Variants in FBXL2 observed in about 807,000 individuals in gnomAD.
The protein encoded by FBXL2 is F-box/LRR-repeat protein 2.
A neutral mutation model predicts 69.2 loss-of-function variants in FBXL2; 38 were observed. That is an observed-to-expected ratio of 0.55 (90% CI 0.42 to 0.72). FBXL2 has a LOEUF of 0.72. Among genes scored for constraint, FBXL2 ranks in the 30% least tolerant of loss-of-function variants. The pLI is 0.00. For synonymous variants in FBXL2, 192 were observed against 201.3 expected, an observed-to-expected ratio of 0.95 and a Z score of 0.39; for missense variants, 354 against 520.3, an observed-to-expected ratio of 0.68 and a Z score of 3.11.
At chr3:33,282,775 T>G (rs1207900683) in intron 1 of FBXL2, among the ~76,000 whole-genome samples, 1 of 152,194 alleles carries the variant, frequency 6.6e-6, no homozygotes, top group African/African-American at 2.4e-5. Flanking sequence ...CCCTTGTAAG[T>G]TGGATTCCTA....
Position 33,373,717 on chromosome 3 carries a change from T to C in FBXL2, c.582+13T>C. 1 of 1,614,174 alleles carries C rather than the reference T, an allele frequency of 6.2e-7. No individual in the cohort carries two copies. The highest frequency in any genetic ancestry group is 8.5e-7 in the Non-Finnish European group (1 of 1,180,024). ...GGGCTGCACACAGGTACCAGAGGGTTGATACAGCTGTTTGTGTTATGTGTC... is the reference window on the plus strand; with the variant it reads ...GGGCTGCACACAGGTACCAGAGGGTCGATACAGCTGTTTGTGTTATGTGTC... On this transcript the variant is annotated intron_variant, in intron 8 of 14. Transcript: ENST00000484457.
At chr3:33,341,351 A>T (rs72863731) in intron 2 of FBXL2, among the ~76,000 whole-genome samples, 12,367 of 152,232 alleles carry the variant, frequency 0.081, 547 homozygotes, top group Admixed American at 0.099. Flanking sequence ...TGCATGGGGG[A>T]GAAAGAAGGG....
At chr3:33,396,035 G>C (rs1185804249) in intron 12 of FBXL2, 1 of 764,178 alleles carries the variant, frequency 1.3e-6, no homozygotes, top group African/African-American at 1.7e-5. Context: ...TGCTGTCAAG[G>C]CTCCCACATG....
At chr3:33,373,415 CCTT>C (rs2042425438) in intron 7 of FBXL2, 60 bp downstream of exon 7, 6 of 1,529,648 alleles carry the variant, frequency 3.9e-6, no homozygotes, top group East Asian at 4.5e-5. Context: ...ATTCTGGAAA[CCTT>C]CTTAATGGTC....
chr3:33,406,562 A>G (rs954926722), downstream of FBXL2, among the ~76,000 whole-genome samples: 5 of 152,248 alleles, frequency 3.3e-5, no homozygotes, highest in African/African-American at 1.2e-4. Flanking sequence ...TGAAGCCATC[A>G]AAAAGCTTCA....
intron 2 of FBXL2, among the ~76,000 whole-genome samples, chr3:33,322,635 C>A (rs953969397): frequency 6.6e-6 from 1 of 151,860 alleles, no homozygotes; most frequent in Non-Finnish European, 1.5e-5. Flanking sequence ...GGAATGTGTA[C>A]CTTGTGATAA....
intron 1 of FBXL2, among the ~76,000 whole-genome samples, chr3:33,291,815 T>C (rs1262912480): frequency 6.6e-6 from 1 of 152,140 alleles, no homozygotes; most frequent in African/African-American, 2.4e-5. Context: ...ATGGCAGACT[T>C]AAAATCAACC....
At chr3:33,382,478 G>A (rs556212606) in intron 13 of FBXL2, 2 of 152,238 alleles carry the variant, frequency 1.3e-5, no homozygotes, top group African/African-American at 4.8e-5. Flanking sequence ...TGATATGAAT[G>A]GAATTATCAT....
intron 2 of FBXL2, among the ~76,000 whole-genome samples, chr3:33,349,400 C>T (rs1002280360): frequency 6.6e-6 from 1 of 152,110 alleles, no homozygotes; most frequent in Non-Finnish European, 1.5e-5. Context: ...TATGATGCAT[C>T]ACATTGATTG....
intron 1 of FBXL2, among the ~76,000 whole-genome samples, chr3:33,294,288 G>A (rs1326431711): frequency 6.6e-6 from 1 of 151,746 alleles, no homozygotes; most frequent in Non-Finnish European, 1.5e-5. Context: ...TGTAGAGTCG[G>A]GTCTCACTAT....
intron 2 of FBXL2, among the ~76,000 whole-genome samples, chr3:33,323,216 T>G (rs2038384268): frequency 6.6e-6 from 1 of 152,194 alleles, no homozygotes; most frequent in Admixed American, 6.5e-5. Flanking sequence ...CTTTGCAAAT[T>G]TTTCCTCTCC....
At chr3:33,299,188 T>C (rs2036034623) in intron 2 of FBXL2, among the ~76,000 whole-genome samples, 2 of 152,060 alleles carry the variant, frequency 1.3e-5, no homozygotes, top group Admixed American at 1.3e-4. Flanking sequence ...ATTACAGGCA[T>C]GTGTCACCAC....
At chr3:33,359,050 A>G in intron 3 of FBXL2, 29 bp downstream of exon 3, 6 of 1,440,332 alleles carry the variant, frequency 4.2e-6, no homozygotes, top group Non-Finnish European at 5.6e-6. Flanking sequence ...TTTTTAATCA[A>G]TAAATATCAA....
intron 8 of FBXL2, 42 bp downstream of exon 8, chr3:33,373,746 T>A (rs1324417681): frequency 6.2e-7 from 1 of 1,614,050 alleles, no homozygotes; most frequent in South Asian, 1.1e-5. Flanking sequence ...ATGTGTCAGG[T>A]GTGGGCACAT....
At chr3:33,404,973 T>C (rs1477440077), downstream of FBXL2, among the ~76,000 whole-genome samples, 1 of 152,216 alleles carries the variant, frequency 6.6e-6, no homozygotes, top group Non-Finnish European at 1.5e-5. Flanking sequence ...GTAATAAATA[T>C]TCATCAAAAT....
chr3:33,359,207 C>A, intron 3 of FBXL2, 76 bp from the exon 4 acceptor site: 1 of 1,307,116 alleles, frequency 7.7e-7, no homozygotes, highest in South Asian at 1.4e-5. Flanking sequence ...AAAGGTTAAT[C>A]AAGACTTTCT....
chr3:33,347,833 A>G (rs932850973), intron 2 of FBXL2, among the ~76,000 whole-genome samples: 1 of 151,946 alleles, frequency 6.6e-6, no homozygotes, highest in African/African-American at 2.4e-5. Flanking sequence ...AGAAATGCCT[A>G]TTCAGATCTT....
chr3:33,282,026 G>A (rs1305614668), intron 1 of FBXL2, among the ~76,000 whole-genome samples: 1 of 152,110 alleles, frequency 6.6e-6, no homozygotes, highest in Non-Finnish European at 1.5e-5. Flanking sequence ...AGTTTCTTTT[G>A]CTGTGCAGAA....
chr3:33,339,780 A>G (rs1183991209), intron 2 of FBXL2, among the ~76,000 whole-genome samples: 2 of 152,242 alleles, frequency 1.3e-5, no homozygotes, highest in Admixed American at 1.3e-4. Context: ...CTTCCTAGGT[A>G]TATGTTCAGG....
Sources: gnomAD v4.1 joint callset for allele counts (sites outside exome capture counted in the v4.1 genomes callset) on GRCh38, gnomAD v4.1.1 for gene constraint, MANE v1.5 for transcripts, NCBI Gene and HGNC (gene_info 2026-07-23, HGNC 2026-07-21) for gene names.